Variants in PHIP observed in about 807,000 individuals in gnomAD.
PHIP encodes PH-interacting protein.
In PHIP, 54 loss-of-function variants were observed where a neutral mutation model predicts 236.8. The observed-to-expected ratio is 0.23, with a 90% CI of 0.18 to 0.29. The LOEUF (loss-of-function observed/expected upper bound fraction) is 0.29, where lower values mean the gene tolerates loss of function less well. Among genes scored for constraint, PHIP ranks in the 10% least tolerant of loss-of-function variants. The pLI is 1.00. For missense variants in PHIP, 1,370 were observed against 2,190.8 expected (o/e 0.63, Z 7.48); for synonymous variants, 756 against 718.9 (o/e 1.05, Z -0.83).
Position 79,060,635 on chromosome 6 carries a change from T to C in PHIP, c.340+33A>G, listed in dbSNP as rs146629059. 1,842 of 1,608,318 alleles carry C rather than the reference T, an allele frequency of 1.1e-3. 24 individuals are homozygous for C. The African/African-American group carries it at 0.022, about 19-fold the overall frequency. ...AACACAAAAACAAAAGTGAGATAAA[T>C]AATGTCTAAATCCTATGAGAAAATT... On this transcript the variant is annotated intron_variant, in intron 5 of 39. Transcript: ENST00000275034.
intron 24 of PHIP, among the ~76,000 whole-genome samples, chr6:78,975,053 G>T (rs545462542): frequency 1.0e-4 from 15 of 150,660 alleles, no homozygotes; most frequent in South Asian, 2.1e-4. Context: ...TACCAAAGCT[G>T]GGCAGAGACA....
In PHIP at chr6:78,963,155, A is replaced by C. The variant is rs779689375; in HGVS notation, c.3477T>G (p.Asn1159Lys). ...TTCTTTCACATTCTTCATCCCTGGG[A>C]TTGGTACCCCATTCTCCATCAAGAG... ...YKPLDGEWGT[N>K]PRDEECERIV... The change falls in exon 30 of 40, where the codon AAT becomes AAG. Residue 1159 changes from asparagine (N) to lysine (K), a missense_variant. Asn to Lys is a moderately conservative substitution (Grantham distance 94). This residue lies in a region of PHIP where 238 missense variants were observed against 398.5 expected (regional missense o/e 0.60). Transcript: ENST00000275034. 2 of 1,610,444 alleles carry C rather than the reference A, an allele frequency of 1.2e-6. No individual in the cohort carries two copies. The highest frequency in any genetic ancestry group is 2.2e-5 in the South Asian group (2 of 90,496).
rs543523717 is a variant in PHIP, at chr6:78,946,675, T to C, written c.4370+36A>G. ...AGTTCTATCATTTAGATGAAAGTTA[T>C]AGATCAGCTAGTGGTATTTAAAAGA... On this transcript the variant is annotated intron_variant, in intron 37 of 39. Transcript: ENST00000275034. 8 of 1,503,566 alleles carry C rather than the reference T, an allele frequency of 5.3e-6. No homozygotes were observed. In the African/African-American group the frequency reaches 7.2e-5, roughly 14 times the overall value. The allele number at this position is 1,503,566 out of a possible 1,614,324, so 93.1% of individuals were successfully genotyped here.
intron 7 of PHIP, among the ~76,000 whole-genome samples, chr6:79,040,390 G>A (rs1772148099): frequency 6.6e-6 from 1 of 152,060 alleles, no homozygotes. Context: ...CTTGGAAAAA[G>A]CTTTCAAATA....
rs72902893 is a variant in PHIP at position 79,003,673 on chromosome 6, C to A, written c.1653+57G>T. On this transcript the variant is annotated intron_variant, in intron 16 of 39. Transcript: ENST00000275034. ...TCTCACCCACTCCAAAAACATACAA[C>A]CCCTAAACATGCATTAAAAAAAAAT... 6,757 of 1,251,104 alleles carry A rather than the reference C, an allele frequency of 5.4e-3. 30 individuals are homozygous for A. Among genetic ancestry groups the A allele is most frequent in the Non-Finnish European group, 6.6e-3 (6,048 of 914,894 alleles). 77.5% of individuals were successfully genotyped at this position (1,251,104 alleles called of 1,614,324 possible).
At chr6:79,028,773 T>A (rs1771523169) in intron 7 of PHIP, among the ~76,000 whole-genome samples, 1 of 152,208 alleles carries the variant, frequency 6.6e-6, no homozygotes. Context: ...TGACATCATG[T>A]TATGCTTCAC....
intron 18 of PHIP, 44 bp from the exon 19 acceptor site, chr6:78,997,641 T>C: frequency 2.8e-6 from 4 of 1,432,996 alleles, no homozygotes; most frequent in Non-Finnish European, 3.9e-6. Flanking sequence ...TAGAGATATT[T>C]CTCCATTAGT....
At chr6:78,996,609 G>C (rs1006812599) in intron 19 of PHIP, among the ~76,000 whole-genome samples, 1 of 152,154 alleles carries the variant, frequency 6.6e-6, no homozygotes, top group Non-Finnish European at 1.5e-5. Flanking sequence ...TCATAAGAAA[G>C]TGTAAATGTA....
chr6:78,961,813 AAAAT>A lies in PHIP; in HGVS notation c.3536-7_3536-4del, dbSNP rs1766798992. ...GGCCACAAATGCTGAGGCAATATCT[AAAAT>A]AAATAGATAAGTTTGTAAATTTATT... On this transcript the variant is annotated splice_polypyrimidine_tract_variant and splice_region_variant and intron_variant, in intron 30 of 39. Coordinates refer to ENST00000275034, the MANE Select transcript of PHIP (RefSeq NM_017934.7). The A allele has an allele frequency of 1.9e-6, 3 of 1,597,668 alleles. No individual in the cohort carries two copies. Among genetic ancestry groups the A allele is most frequent in the Non-Finnish European group, 2.6e-6 (3 of 1,172,506 alleles).
In PHIP at chr6:78,985,746, G is replaced by A. The variant is rs141586482; in HGVS notation, c.2461-318C>T. Among the ~76,000 whole-genome samples, 267 of 152,208 alleles carry A rather than the reference G, an allele frequency of 1.8e-3. 1 individual carries two copies. Among genetic ancestry groups the A allele is most frequent in the African/African-American group, 6.1e-3 (253 of 41,524 alleles). On this transcript the variant is annotated intron_variant, in intron 21 of 39. Transcript: ENST00000275034. Reference sequence around the variant, plus strand: ...TAATCCCAGCTACTTGGGAGACTGAGGCACGGAATTGCTTGAACCCAGGAG... The same window carrying A: ...TAATCCCAGCTACTTGGGAGACTGAAGCACGGAATTGCTTGAACCCAGGAG...
intron 15 of PHIP, among the ~76,000 whole-genome samples, chr6:79,006,215 T>C (rs1393124501): frequency 6.6e-6 from 1 of 151,942 alleles, no homozygotes; most frequent in African/African-American, 2.4e-5. Context: ...GCCTCTAACT[T>C]CATCAATTAA....
rs751431176 is a variant in PHIP, at chr6:78,941,251, C to T, written c.4908G>A (p.Lys1636=). ...CTTTAGGTTTCCTTCCAGGTCCCCT[C>T]TTCACAAGTTTTGATGGCTGTCCTC... ...GHGGQPSKLV[K]RGPGRKPKVE... is the part of the protein sequence containing the mutation. The change falls in exon 40 of 40, where the codon AAG becomes AAA. Residue 1636 remains lysine, a synonymous_variant. Transcript: ENST00000275034. 1.9e-5 allele frequency: 30 copies of T among 1,613,566 alleles called. No individual in the cohort carries two copies. The South Asian group carries it at 2.6e-4, about 14-fold the overall frequency.
At chr6:78,975,085 G>A (rs1253585735) in intron 24 of PHIP, among the ~76,000 whole-genome samples, 1 of 151,656 alleles carries the variant, frequency 6.6e-6, no homozygotes, top group South Asian at 2.1e-4. Flanking sequence ...GATAATTTTA[G>A]ACCAATATCC....
chr6:78,988,885 A>T (rs1235492586), intron 20 of PHIP, among the ~76,000 whole-genome samples: 3 of 152,220 alleles, frequency 2.0e-5, no homozygotes, highest in Non-Finnish European at 4.4e-5. Context: ...AGGCAGAGGC[A>T]AATTGGAAAC....
In PHIP at chr6:79,026,183, A is replaced by G. The variant is rs1231891247; in HGVS notation, c.601-19T>C. 6.6e-7 allele frequency: 1 copy of G among 1,508,590 alleles called. No homozygotes were observed. Among genetic ancestry groups the G allele is most frequent in the Non-Finnish European group, 9.2e-7 (1 of 1,084,898 alleles). 93.5% of individuals were successfully genotyped at this position (1,508,590 alleles called of 1,614,324 possible). The stretch of plus-strand genomic sequence containing the variant: ...CAGAACCCTTAAAGTAAGAATGGAT[A>G]TTAATAGAATTAACCCCATAAATTT... On this transcript the variant is annotated intron_variant, in intron 7 of 39. Coordinates refer to ENST00000275034, the MANE Select transcript of PHIP (RefSeq NM_017934.7).
chr6:78,962,206 C>G (rs1449690932), intron 30 of PHIP, among the ~76,000 whole-genome samples: 1 of 151,986 alleles, frequency 6.6e-6, no homozygotes, highest in Non-Finnish European at 1.5e-5. Flanking sequence ...CAAACGTATC[C>G]CTTTATCTCA....
chr6:79,037,581 A>T (rs1772003530), intron 7 of PHIP, among the ~76,000 whole-genome samples: 1 of 152,188 alleles, frequency 6.6e-6, no homozygotes, highest in African/African-American at 2.4e-5. Context: ...TAATAATAAT[A>T]ATCAGCCACA....
At chr6:79,015,363 A>G in intron 14 of PHIP, 147 bp from the exon 15 acceptor site, 1 of 687,154 alleles carries the variant, frequency 1.5e-6, no homozygotes, top group Non-Finnish European at 2.4e-6. Context: ...TGTCATGTAT[A>G]TATAATAATG....
At chr6:78,971,758 A>T (rs1767577275) in intron 24 of PHIP, among the ~76,000 whole-genome samples, 1 of 152,166 alleles carries the variant, frequency 6.6e-6, no homozygotes, top group Non-Finnish European at 1.5e-5. Context: ...AATCAAAGAA[A>T]GGGGTGACGG....
Sources: allele counts gnomAD v4.1 joint callset (sites outside exome capture counted in the v4.1 genomes callset), GRCh38; gene constraint gnomAD v4.1.1; regional missense constraint gnomAD v4.1.1; transcripts MANE v1.5; gene names NCBI Gene and HGNC (gene_info 2026-07-23, HGNC 2026-07-21).